Variants in TRPV2 observed in about 807,000 individuals in gnomAD.
TRPV2 encodes transient receptor potential cation channel subfamily V member 2.
TRPV2 carries 58 observed loss-of-function variants against 91.0 expected under a neutral mutation model. The observed-to-expected ratio is 0.64, with a 90% CI of 0.52 to 0.79. The LOEUF is 0.79. TRPV2 is among the 30% of genes least tolerant of loss of function. The pLI is 0.00. For synonymous variants in TRPV2, 417 were observed against 414.8 expected, an observed-to-expected ratio of 1.01 and a Z score of -0.06; for missense variants, 807 against 969.6, an observed-to-expected ratio of 0.83 and a Z score of 2.23.
chr17:16,431,267 ATATATATATATATATATATACATATTTTT>A (rs1257256868), intron 10 of TRPV2, among the ~76,000 whole-genome samples: 1 of 67,840 alleles, frequency 1.5e-5, no homozygotes, highest in African/African-American at 7.0e-5. Context: ...ATATATATAT[ATATATATATATATATATATACATATTTTT>A]TTTTTTTTTT....
At chr17:16,420,079 T>C (rs376199829) in intron 2 of TRPV2, 36 bp from the exon 3 acceptor site, 6 of 1,598,914 alleles carry the variant, frequency 3.8e-6, no homozygotes, top group Non-Finnish European at 4.3e-6. Context: ...CCTGTGGTTC[T>C]TCTCCAGCAT....
rs1249841593 is a variant in TRPV2, at chr17:16,433,729, G to A, written c.2114+31G>A. ...TGAGTGGTGGGAGGGTCTCCTGGGG[G>A]CCTTGCTGTCCAGCAATCCCTGGGG... On this transcript the variant is annotated intron_variant, in intron 13 of 14. Transcript: ENST00000338560. 3.1e-6 allele frequency: 5 copies of A among 1,609,254 alleles called. No homozygotes were observed. In the South Asian group the frequency reaches 3.3e-5, roughly 11 times the overall value.
chr17:16,427,585 C>G (rs1395075394), intron 8 of TRPV2, 38 bp downstream of exon 8: 4 of 1,581,510 alleles, frequency 2.5e-6, no homozygotes, highest in African/African-American at 1.3e-5. Context: ...AGAAGCAAAC[C>G]TAGAATTCTG....
chr17:16,422,792 G>A lies in TRPV2; in HGVS notation c.528G>A (p.Leu176=). 6.4e-7 allele frequency: 1 copy of A among 1,573,596 alleles called. No homozygotes were observed. The highest frequency in any genetic ancestry group is 8.6e-7 in the Non-Finnish European group (1 of 1,157,680). ...ACATCGCCATTGAGAAGAGGAGTCT[G>A]CAGTGTGTGAAGCTCCTGGTGGAGA... ...ALHIAIEKRS[L]QCVKLLVENG... The change falls in exon 4 of 15, where the codon CTG becomes CTA. Residue 176 remains leucine (L), a synonymous_variant. Transcript: ENST00000338560.
At chr17:16,431,291 A>ACATATT (rs1555883058) in intron 10 of TRPV2, among the ~76,000 whole-genome samples, 1 of 67,392 alleles carries the variant, frequency 1.5e-5, no homozygotes, top group East Asian at 4.2e-4. Flanking sequence ...ATATATACAT[A>ACATATT]TTTTTTTTTT....
At chr17:16,418,390 T>C (rs1289049981) in intron 2 of TRPV2, among the ~76,000 whole-genome samples, 2 of 152,136 alleles carry the variant, frequency 1.3e-5, no homozygotes, top group Non-Finnish European at 2.9e-5. Context: ...TCAGACTGTG[T>C]GAGCACCACA....
chr17:16,428,543 T>C, intron 9 of TRPV2, 156 bp downstream of exon 9: 4 of 874,046 alleles, frequency 4.6e-6, no homozygotes, highest in African/African-American at 1.7e-5. Flanking sequence ...TGGGCTGCCG[T>C]CCAGCCTGGG....
At chr17:16,416,182 G>C in intron 1 of TRPV2, 1 of 151,630 alleles carries the variant, frequency 6.6e-6, no homozygotes, top group Non-Finnish European at 1.5e-5. Flanking sequence ...TAGAAAGGGT[G>C]GTGGGTCACA....
In TRPV2 at chr17:16,436,786, C is replaced by T. The variant is rs1266815782; in HGVS notation, c.2195-3C>T. Reference sequence around the variant, plus strand: ...AGCTACAGTGCTTGCCATCTGTTTACAGGAACTCTCGAGAACCCTGTCCTG... The same window carrying T: ...AGCTACAGTGCTTGCCATCTGTTTATAGGAACTCTCGAGAACCCTGTCCTG... On this transcript the variant is annotated splice_polypyrimidine_tract_variant and splice_region_variant and intron_variant, in intron 14 of 14. Transcript: ENST00000338560. 5 of 1,612,196 alleles carry T rather than the reference C, an allele frequency of 3.1e-6. No homozygotes were observed. The highest frequency in any genetic ancestry group is 4.2e-6 in the Non-Finnish European group (5 of 1,178,330).
Position 16,423,535 on chromosome 17 carries a change from AC to A in TRPV2, c.695del (p.Pro232HisfsTer21), listed in dbSNP as rs979765579. Reference sequence around the variant, plus strand: ...GATGTGGTAAGCTACCTCCTGGAGAACCCACACCAGCCCGCCAGCCTGCAGG... The same window carrying A: ...GATGTGGTAAGCTACCTCCTGGAGAACCACACCAGCCCGCCAGCCTGCAGG... ...QWDVVSYLLE[N>X]PHQPASLQAT... On this transcript the variant is annotated frameshift_variant, in exon 5 of 15. Coordinates refer to ENST00000338560, the MANE Select transcript of TRPV2 (RefSeq NM_016113.5). LOFTEE classifies it high-confidence loss of function. 6.2e-7 allele frequency: 1 copy of A among 1,614,070 alleles called. No homozygotes were observed. Among genetic ancestry groups the A allele is most frequent in the Non-Finnish European group, 8.5e-7 (1 of 1,179,998 alleles).
At chr17:16,433,431 C>A in intron 12 of TRPV2, 143 bp from the exon 13 acceptor site, 2 of 1,223,634 alleles carry the variant, frequency 1.6e-6, no homozygotes, top group South Asian at 2.9e-5. Flanking sequence ...GATGTTGGAG[C>A]CAGATTCGAA....
chr17:16,428,304 C>T lies in TRPV2; in HGVS notation c.1351-13C>T, dbSNP rs1292351521. 1.2e-6 allele frequency: 2 copies of T among 1,614,102 alleles called. No homozygotes were observed. Among genetic ancestry groups the T allele is most frequent in the South Asian group, 2.2e-5 (2 of 91,090 alleles). ...GCAGGTTTCACAGCCCTCTGTCCTCCCTTCCTCCGCAGCTGTGGTACTTCT... is the reference window on the plus strand; with the variant it reads ...GCAGGTTTCACAGCCCTCTGTCCTCTCTTCCTCCGCAGCTGTGGTACTTCT... On this transcript the variant is annotated splice_polypyrimidine_tract_variant and intron_variant, in intron 8 of 14. Coordinates refer to ENST00000338560, the MANE Select transcript of TRPV2 (RefSeq NM_016113.5).
At position 16,422,585 on chromosome 17, in the gene TRPV2, C is replaced by A. The variant is rs1175057836; in HGVS notation, c.335-14C>A. The A allele has an allele frequency of 6.2e-7, 1 of 1,608,186 alleles. No homozygotes were observed. Among genetic ancestry groups the A allele is most frequent in the African/African-American group, 1.3e-5 (1 of 74,866 alleles). ...CAGCACCACTGTGCCCCTTCCCCTCCCTTCTTCCCACAGAGGGCTCCACAG... is the reference window on the plus strand; with the variant it reads ...CAGCACCACTGTGCCCCTTCCCCTCACTTCTTCCCACAGAGGGCTCCACAG... On this transcript the variant is annotated splice_polypyrimidine_tract_variant and intron_variant, in intron 3 of 14. Coordinates refer to ENST00000338560, the MANE Select transcript of TRPV2 (RefSeq NM_016113.5).
chr17:16,423,476 A>C lies in TRPV2; in HGVS notation c.633A>C (p.Leu211=). 1 of 1,604,578 alleles carries C rather than the reference A, an allele frequency of 6.2e-7. No individual in the cohort carries two copies. Residue 211 remains leucine, a synonymous_variant, in exon 5 of 15, where the codon CTA becomes CTC. Coordinates refer to ENST00000338560, the MANE Select transcript of TRPV2 (RefSeq NM_016113.5). The part of the protein sequence containing the change: ...GQGTCFYFGE[L]PLSLAACTKQ... Reference sequence around the variant, plus strand: ...TGCTCTCTTGGCCTGCAGGTGAGCTACCCCTCTCTTTGGCCGCTTGCACCA... The same window carrying C: ...TGCTCTCTTGGCCTGCAGGTGAGCTCCCCCTCTCTTTGGCCGCTTGCACCA...
rs60066961 is a variant in TRPV2 at position 16,431,256 on chromosome 17, C to CATATATATAT, written c.1588-506_1588-497dup. On this transcript the variant is annotated intron_variant, in intron 10 of 14. Transcript: ENST00000338560. ...AGCAGGAAAACAATGTGATCTGAGA[C>CATATATATAT]ATATATATATATATATATATATATA... Among the ~76,000 whole-genome samples the CATATATATAT allele has an allele frequency of 1.8e-3, 123 of 67,780 alleles. 1 individual carries two copies. The highest frequency in any genetic ancestry group is 4.0e-3 in the African/African-American group (58 of 14,482). 44.5% of individuals were successfully genotyped at this position (67,780 alleles called of 152,430 possible). A position where few individuals can be genotyped will look rare whatever the true frequency, so the allele number is the denominator to read the frequency against.
At chr17:16,423,417 G>C (rs546342120) in intron 4 of TRPV2, 52 bp from the exon 5 acceptor site, 1 of 1,548,640 alleles carries the variant, frequency 6.5e-7, no homozygotes, top group Non-Finnish European at 8.7e-7. Flanking sequence ...ATGAGGAGTA[G>C]GCAGATGGAA....
At position 16,426,656 on chromosome 17, in the gene TRPV2, G is replaced by A; in HGVS notation, c.1096-66G>A. On this transcript the variant is annotated intron_variant, in intron 6 of 14. Transcript: ENST00000338560. This position sits in a 1 kb window ranked among gnomAD's most constrained non-coding sequence, Gnocchi z 6.0. ...TTTCCTGGGCCCTTGCTTTGATCTT[G>A]ACATGGAGTGGGCAGCCTATTTGCA... 1 of 1,551,064 alleles carries A rather than the reference G, an allele frequency of 6.4e-7. No homozygotes were observed. Among genetic ancestry groups the A allele is most frequent in the South Asian group, 1.2e-5 (1 of 81,604 alleles).
intron 2 of TRPV2, chr17:16,419,482 A>C (rs530556117): frequency 2.1e-6 from 1 of 465,132 alleles, no homozygotes; most frequent in African/African-American, 2.0e-5. Flanking sequence ...TCAGGGTCTA[A>C]AGTTAAACAG....
intron 5 of TRPV2, 84 bp downstream of exon 5, chr17:16,423,851 G>A (rs925628829): frequency 5.0e-6 from 7 of 1,390,368 alleles, no homozygotes; most frequent in African/African-American, 2.9e-5. Context: ...AACCCAGGGG[G>A]TGGTGAAGAG....
Sources: gnomAD v4.1 joint callset for allele counts (sites outside exome capture counted in the v4.1 genomes callset) on GRCh38, gnomAD v4.1.1 for gene constraint, Gnocchi (gnomAD v3.1) non-coding constraint, MANE v1.5 for transcripts, NCBI Gene and HGNC (gene_info 2026-07-23, HGNC 2026-07-21) for gene names.